The following TTC39B variants were observed in gnomAD, a reference collection of about 807,000 sequenced individuals.
TTC39B encodes tetratricopeptide repeat protein 39B.
TTC39B carries 92 observed loss-of-function variants against 96.6 expected under a neutral mutation model. That is an observed-to-expected ratio of 0.95 (90% CI 0.80 to 1.13). The LOEUF (loss-of-function observed/expected upper bound fraction) is 1.13, where lower values mean the gene tolerates loss of function less well. TTC39B is among the 50% of genes most tolerant of loss of function. The probability of loss-of-function intolerance (pLI) is 0.00; values close to 1 mark genes in which losing one functional copy is unlikely to be tolerated. For missense variants in TTC39B, 955 were observed against 809.3 expected (o/e 1.18, Z -2.18); for synonymous variants, 367 against 299.4 (o/e 1.23, Z -2.33).
chr9:15,235,408 G>A (rs997693521), intron 2 of TTC39B, among the ~76,000 whole-genome samples: 1 of 152,146 alleles, frequency 6.6e-6, no homozygotes, highest in Non-Finnish European at 1.5e-5. Flanking sequence ...AATAATTCAG[G>A]AAACTCCCTA....
intron 1 of TTC39B, among the ~76,000 whole-genome samples, chr9:15,289,547 G>T (rs973769480): frequency 1.3e-5 from 2 of 152,144 alleles, no homozygotes; most frequent in Non-Finnish European, 2.9e-5. Context: ...GCACAATGCC[G>T]GCAAATGGCA....
At chr9:15,240,511 A>G (rs1042238940) in intron 2 of TTC39B, among the ~76,000 whole-genome samples, 1 of 151,800 alleles carries the variant, frequency 6.6e-6, no homozygotes, top group African/African-American at 2.4e-5. Context: ...TTTTTTTTCA[A>G]TTTTTTCAAA....
chr9:15,203,928 C>A, intron 6 of TTC39B, 38 bp from the exon 7 acceptor site: 1 of 1,569,926 alleles, frequency 6.4e-7, no homozygotes, highest in South Asian at 1.1e-5. Flanking sequence ...AGTAAAATCA[C>A]ACATCCAAAG....
rs2131631536 is a variant in TTC39B, at chr9:15,306,331, G to A, written c.240+753C>T. The stretch of plus-strand genomic sequence containing the variant: ...CGGCGCGCTAGCCCCTGGGTGCTCA[G>A]GCCCGGGCGCGCCACGACTGAAGGA... On this transcript the variant is annotated intron_variant, in intron 1 of 19. Coordinates refer to ENST00000512701, the Ensembl canonical transcript of TTC39B. The surrounding 1 kb of genome is among the most constrained non-coding windows in gnomAD (Gnocchi z 5.1). Among the ~76,000 whole-genome samples the A allele has an allele frequency of 6.6e-6, 1 of 152,248 alleles. No homozygotes were observed. The highest frequency in any genetic ancestry group is 1.5e-5 in the Non-Finnish European group (1 of 68,026).
intron 4 of TTC39B, among the ~76,000 whole-genome samples, chr9:15,211,808 T>C (rs944764051): frequency 3.9e-5 from 6 of 152,230 alleles, no homozygotes; most frequent in African/African-American, 1.4e-4. Flanking sequence ...TAAAGGCTTA[T>C]ATAAAATAAT....
intron 8 of TTC39B, among the ~76,000 whole-genome samples, chr9:15,198,482 A>ATATATATATATATATG (rs1334785023): frequency 1.5e-4 from 23 of 149,258 alleles, no homozygotes; most frequent in African/African-American, 5.1e-4. Flanking sequence ...ATATATATAT[A>ATATATATATATATATG]TATATCATAA....
intron 18 of TTC39B, among the ~76,000 whole-genome samples, chr9:15,176,117 C>A (rs1817924041): frequency 6.6e-6 from 1 of 152,114 alleles, no homozygotes; most frequent in African/African-American, 2.4e-5. Context: ...AGGCCCTGGG[C>A]AGAAAAAACC....
At chr9:15,281,839 G>A (rs1823776931) in intron 1 of TTC39B, among the ~76,000 whole-genome samples, 1 of 151,966 alleles carries the variant, frequency 6.6e-6, no homozygotes, top group Non-Finnish European at 1.5e-5. Flanking sequence ...ATGTAGTCCG[G>A]CTAATTTTTG....
At chr9:15,268,717 A>G (rs1456175981) in intron 1 of TTC39B, among the ~76,000 whole-genome samples, 2 of 151,022 alleles carry the variant, frequency 1.3e-5, no homozygotes, top group African/African-American at 4.9e-5. Flanking sequence ...CATCCCTACC[A>G]CTCTTACCAT....
rs1263998229 is a variant in TTC39B at position 15,211,367 on chromosome 9, G to A, written c.513C>T (p.Gly171=). The change falls in exon 5 of 20, where the codon GGC becomes GGT. Residue 171 remains glycine, a synonymous_variant. Coordinates refer to ENST00000512701, the Ensembl canonical transcript of TTC39B. The stretch of plus-strand genomic sequence containing the variant: ...CCTGCAACACCACAATGGTACTGTA[G>A]CCCAAGGCATGGTACATACTCTCCT... 5 of 1,592,762 alleles carry A rather than the reference G, an allele frequency of 3.1e-6. No individual in the cohort carries two copies. The African/African-American group carries it at 6.8e-5, about 22-fold the overall frequency.
chr9:15,242,358 G>A (rs564105011), intron 2 of TTC39B, among the ~76,000 whole-genome samples: 13 of 152,272 alleles, frequency 8.5e-5, no homozygotes, highest in South Asian at 4.1e-4. Flanking sequence ...AAGGCAGGCG[G>A]ATCACTTGAG....
intron 1 of TTC39B, among the ~76,000 whole-genome samples, chr9:15,297,084 A>C (rs902643980): frequency 1.3e-5 from 2 of 152,210 alleles, no homozygotes; most frequent in Non-Finnish European, 2.9e-5. Context: ...ACACACTCAC[A>C]GCAGCTCTCC....
At chr9:15,212,803 G>C (rs1289392632) in intron 4 of TTC39B, among the ~76,000 whole-genome samples, 5 of 152,188 alleles carry the variant, frequency 3.3e-5, no homozygotes, top group Non-Finnish European at 7.3e-5. Flanking sequence ...GTTATGACCA[G>C]CTGTGTGTCA....
At chr9:15,297,804 C>T (rs193040826) in intron 1 of TTC39B, among the ~76,000 whole-genome samples, 239 of 151,866 alleles carry the variant, frequency 1.6e-3, no homozygotes, top group African/African-American at 5.1e-3. Flanking sequence ...CACTGAAACC[C>T]GCAGATGCAC....
intron 10 of TTC39B, 73 bp downstream of exon 10, chr9:15,191,117 T>G: frequency 9.8e-7 from 1 of 1,022,256 alleles, no homozygotes; most frequent in Non-Finnish European, 1.5e-6. Flanking sequence ...TGCAGACATG[T>G]TGCATTGCCC....
At chr9:15,188,706 G>A (rs531480625) in intron 13 of TTC39B, among the ~76,000 whole-genome samples, 7 of 147,564 alleles carry the variant, frequency 4.7e-5, no homozygotes, top group African/African-American at 1.5e-4. Flanking sequence ...GTAATGTCCT[G>A]AGCCAGCAAA....
chr9:15,245,323 A>G (rs1822226658), intron 2 of TTC39B, among the ~76,000 whole-genome samples: 2 of 152,196 alleles, frequency 1.3e-5, no homozygotes, highest in Non-Finnish European at 1.5e-5. Context: ...ATCTATTAGT[A>G]GGAAAAACAA....
chr9:15,184,420 TA>T (rs35811990), intron 16 of TTC39B, among the ~76,000 whole-genome samples: 88 of 143,148 alleles, frequency 6.1e-4, no homozygotes, highest in African/African-American at 8.2e-4. Context: ...ACTCTGAATT[TA>T]AAAAAAAAAA....
intron 16 of TTC39B, among the ~76,000 whole-genome samples, chr9:15,183,932 T>A (rs1818382684): frequency 6.6e-6 from 1 of 152,156 alleles, no homozygotes; most frequent in African/African-American, 2.4e-5. Context: ...TTGTGTTAGG[T>A]AGGAAACACC....
Sources: gnomAD v4.1 joint callset for allele counts (sites outside exome capture counted in the v4.1 genomes callset) on GRCh38, gnomAD v4.1.1 for gene constraint, Gnocchi (gnomAD v3.1) non-coding constraint, MANE v1.5 for transcripts, NCBI Gene and HGNC (gene_info 2026-07-23, HGNC 2026-07-21) for gene names.